Variants in PIP4P2 observed in about 807,000 individuals in gnomAD.
PIP4P2 encodes phosphatidylinositol-4,5-bisphosphate 4-phosphatase 2.
In PIP4P2, 19 loss-of-function variants were observed where a neutral mutation model predicts 33.3. That is an observed-to-expected ratio of 0.57 (90% CI 0.40 to 0.84). PIP4P2 has a LOEUF of 0.84. Ranked by LOEUF, PIP4P2 falls within the 40% of genes least tolerant of loss-of-function variation. The pLI, the probability that PIP4P2 is intolerant of heterozygous loss-of-function variation, is 0.00. For synonymous variants in PIP4P2, 110 were observed against 111.9 expected (o/e 0.98, Z 0.11); for missense variants, 270 against 324.7 (o/e 0.83, Z 1.29).
intron 1 of PIP4P2, among the ~76,000 whole-genome samples, chr8:91,038,109 C>A (rs1205611692): frequency 2.0e-5 from 3 of 152,128 alleles, no homozygotes; most frequent in Non-Finnish European, 4.4e-5. Context: ...TTACACAGAC[C>A]ACACATGATT....
At chr8:91,012,970 G>A (rs1184348747) in intron 4 of PIP4P2, among the ~76,000 whole-genome samples, 1 of 152,050 alleles carries the variant, frequency 6.6e-6, no homozygotes, top group African/African-American at 2.4e-5. Flanking sequence ...CTGTCTTTTT[G>A]ATTGTTCTTT....
In PIP4P2 at chr8:91,008,798, G is replaced by A. The variant is rs914347605; in HGVS notation, c.487-3C>T. On this transcript the variant is annotated splice_region_variant and splice_polypyrimidine_tract_variant and intron_variant, in intron 4 of 6. Transcript: ENST00000285419. ...GTGTTGAACCTCAGTTCCATCCACT[G>A]TAAAATAAACAAAGAGAGGAATTGA... 6.3e-7 allele frequency: 1 copy of A among 1,594,922 alleles called. No individual in the cohort carries two copies. The highest frequency in any genetic ancestry group is 8.6e-7 in the Non-Finnish European group (1 of 1,166,624).
intron 4 of PIP4P2, among the ~76,000 whole-genome samples, chr8:91,014,017 T>G (rs563738542): frequency 6.6e-6 from 1 of 152,322 alleles, no homozygotes; most frequent in East Asian, 1.9e-4. Flanking sequence ...TGCATGCATT[T>G]CCATTTTTTT....
intron 5 of PIP4P2, among the ~76,000 whole-genome samples, chr8:91,003,948 GAGATAGATAGAT>G (rs74275339): frequency 0.027 from 3,662 of 138,148 alleles, 84 homozygotes; most frequent in African/African-American, 0.056. Flanking sequence ...GAACCAACAG[GAGATAGATAGAT>G]AGATAGATAG....
chr8:91,004,761 G>A (rs750812530), intron 5 of PIP4P2, among the ~76,000 whole-genome samples: 1 of 152,114 alleles, frequency 6.6e-6, no homozygotes, highest in Non-Finnish European at 1.5e-5. Context: ...AGGTTTACGA[G>A]TATGAAATAC....
chr8:91,040,442 T>TCACCAC (rs1260479373), intron 1 of PIP4P2, among the ~76,000 whole-genome samples: 3 of 75,332 alleles, frequency 4.0e-5, no homozygotes, highest in African/African-American at 7.6e-5. Flanking sequence ...ACCACCACCA[T>TCACCAC]CACCACCACC....
At chr8:91,027,862 A>G (rs1046601031) in intron 1 of PIP4P2, among the ~76,000 whole-genome samples, 4 of 152,006 alleles carry the variant, frequency 2.6e-5, no homozygotes, top group African/African-American at 7.3e-5. Context: ...ATACCTCACT[A>G]CCTCCCCTGG....
At chr8:91,014,758 G>GACACACAC (rs142952434) in intron 4 of PIP4P2, among the ~76,000 whole-genome samples, 14,096 of 142,548 alleles carry the variant, frequency 0.099, 968 homozygotes, top group Non-Finnish European at 0.14. Context: ...TTACCACAAA[G>GACACACAC]ACACACACAC....
At chr8:91,028,045 A>G (rs1812106587) in intron 1 of PIP4P2, among the ~76,000 whole-genome samples, 1 of 152,210 alleles carries the variant, frequency 6.6e-6, no homozygotes, top group Non-Finnish European at 1.5e-5. Flanking sequence ...CTGGAGTAAC[A>G]GGCCAAATAG....
intron 5 of PIP4P2, among the ~76,000 whole-genome samples, chr8:91,000,322 T>C (rs1811684747): frequency 6.6e-6 from 1 of 151,942 alleles, no homozygotes; most frequent in Non-Finnish European, 1.5e-5. Flanking sequence ...TACAATTTCT[T>C]GGTTTACCTT....
chr8:91,010,783 C>T (rs1199868082), intron 4 of PIP4P2, among the ~76,000 whole-genome samples: 1 of 150,790 alleles, frequency 6.6e-6, no homozygotes, highest in Non-Finnish European at 1.5e-5. Context: ...CTCATTATAC[C>T]AAAAAGAAAA....
At chr8:91,014,758 GACAC>G (rs142952434) in intron 4 of PIP4P2, among the ~76,000 whole-genome samples, 2,729 of 142,730 alleles carry the variant, frequency 0.019, 75 homozygotes, top group African/African-American at 0.061. Context: ...TTACCACAAA[GACAC>G]ACACACACAC....
At position 90,994,029 on chromosome 8, in the gene PIP4P2, T is replaced by C. The variant is rs1415336747; in HGVS notation, c.*1648A>G. Reference sequence around the variant, plus strand: ...AAAGAATGGATTATTCAGTATACAATGCTGTTACAACTAGTTAACCATTAG... The same window carrying C: ...AAAGAATGGATTATTCAGTATACAACGCTGTTACAACTAGTTAACCATTAG... On this transcript the variant is annotated 3_prime_UTR_variant, in exon 7 of 7. Transcript: ENST00000285419. 1 of 152,218 alleles carries C rather than the reference T, an allele frequency of 6.6e-6. No individual in the cohort carries two copies. Among genetic ancestry groups the C allele is most frequent in the East Asian group, 1.9e-4 (1 of 5,204 alleles). 9.4% of individuals were successfully genotyped at this position (152,218 alleles called of 1,614,324 possible).
At chr8:91,000,639 T>C (rs1188217059) in intron 5 of PIP4P2, among the ~76,000 whole-genome samples, 1 of 151,964 alleles carries the variant, frequency 6.6e-6, no homozygotes, top group Non-Finnish European at 1.5e-5. Context: ...CTGTTATCTT[T>C]TTCTTATTGA....
intron 1 of PIP4P2, among the ~76,000 whole-genome samples, chr8:91,034,035 C>T (rs1563569846): frequency 6.6e-6 from 1 of 152,010 alleles, no homozygotes; most frequent in East Asian, 1.9e-4. Context: ...GCTGATCCAA[C>T]TCATGTTTCA....
intron 5 of PIP4P2, among the ~76,000 whole-genome samples, chr8:90,999,916 T>C (rs749631222): frequency 1.3e-5 from 2 of 152,024 alleles, no homozygotes; most frequent in Non-Finnish European, 2.9e-5. Flanking sequence ...ACATGGACTA[T>C]TTCTGACACC....
At chr8:90,996,001 G>C (rs1299411468) in intron 6 of PIP4P2, among the ~76,000 whole-genome samples, 181 bp from the exon 7 acceptor site, 2 of 152,136 alleles carry the variant, frequency 1.3e-5, no homozygotes, top group East Asian at 3.8e-4. Context: ...GCTACTTGTA[G>C]TAACTATAAA....
chr8:91,023,322 T>G (rs186226203), intron 1 of PIP4P2, among the ~76,000 whole-genome samples: 1 of 151,908 alleles, frequency 6.6e-6, no homozygotes, highest in Non-Finnish European at 1.5e-5. Flanking sequence ...CACAGTATGA[T>G]AGAAAGGAAA....
chr8:91,035,938 A>G lies in PIP4P2; in HGVS notation c.106+4706T>C, dbSNP rs1812226624. On this transcript the variant is annotated intron_variant, in intron 1 of 6. Coordinates refer to ENST00000285419, the MANE Select transcript of PIP4P2 (RefSeq NM_018710.3). ...GAGGTGGGAGGATTAGTTGGGCCTG[A>G]GAGGTCAAGACTGCAGTGAGCTATG... Among the ~76,000 whole-genome samples the G allele has an allele frequency of 1.3e-5, 2 of 151,872 alleles. 1 individual carries two copies. Among genetic ancestry groups the G allele is most frequent in the South Asian group, 4.2e-4 (2 of 4,792 alleles).
Sources: gnomAD v4.1 joint callset for allele counts (sites outside exome capture counted in the v4.1 genomes callset) on GRCh38, gnomAD v4.1.1 for gene constraint, MANE v1.5 for transcripts, NCBI Gene and HGNC (gene_info 2026-07-23, HGNC 2026-07-21) for gene names.